Variants in KIAA0825 observed in about 807,000 individuals in gnomAD.
KIAA0825 encodes KIAA0825.
In KIAA0825, 119 loss-of-function variants were observed where a neutral mutation model predicts 147.6. The ratio of observed to expected loss-of-function variants is 0.81; its 90% confidence interval spans 0.69 to 0.94. The LOEUF is 0.94. KIAA0825 is among the 40% of genes least tolerant of loss of function. The pLI is 0.00. For synonymous variants in KIAA0825, 470 were observed against 518.1 expected, an observed-to-expected ratio of 0.91 and a Z score of 1.26; for missense variants, 1,381 against 1,472.7, an observed-to-expected ratio of 0.94 and a Z score of 1.02.
chr5:94,425,136 G>A (rs1584456403), intron 14 of KIAA0825, among the ~76,000 whole-genome samples: 1 of 152,048 alleles, frequency 6.6e-6, no homozygotes, highest in Admixed American at 6.6e-5. Context: ...CATTCTATGA[G>A]GCCAGCATTA....
chr5:94,323,388 C>T (rs1387307495), intron 20 of KIAA0825, among the ~76,000 whole-genome samples: 1 of 151,754 alleles, frequency 6.6e-6, no homozygotes, highest in Non-Finnish European at 1.5e-5. Flanking sequence ...GAGACAATTC[C>T]TAAGTTCACA....
intron 1 of KIAA0825, among the ~76,000 whole-genome samples, chr5:94,600,270 C>T (rs767347759): frequency 6.6e-6 from 1 of 152,204 alleles, no homozygotes; most frequent in Middle Eastern, 3.4e-3. Context: ...TCATACACAG[C>T]TGATGAATTA....
At chr5:94,188,550 G>A (rs1770368356) in intron 20 of KIAA0825, among the ~76,000 whole-genome samples, 1 of 151,886 alleles carries the variant, frequency 6.6e-6, no homozygotes, top group Admixed American at 6.6e-5. Context: ...TTTTGTCTTT[G>A]GTCCTTTCAC....
chr5:94,391,901 T>C (rs1584354736), intron 17 of KIAA0825, among the ~76,000 whole-genome samples: 1 of 152,212 alleles, frequency 6.6e-6, no homozygotes, highest in African/African-American at 2.4e-5. Context: ...TTTTCAAAAA[T>C]TGAATCGTTT....
intron 20 of KIAA0825, among the ~76,000 whole-genome samples, chr5:94,274,482 C>T (rs774673710): frequency 1.3e-5 from 2 of 151,898 alleles, no homozygotes; most frequent in African/African-American, 4.8e-5. Context: ...TTCCAGGCTC[C>T]GAGCTAATTA....
At chr5:94,379,399 T>C (rs1748053192) in intron 20 of KIAA0825, among the ~76,000 whole-genome samples, 1 of 152,180 alleles carries the variant, frequency 6.6e-6, no homozygotes, top group African/African-American at 2.4e-5. Flanking sequence ...ACTTTGAAGA[T>C]CAGATGGTTG....
intron 14 of KIAA0825, among the ~76,000 whole-genome samples, chr5:94,421,458 T>C (rs1754176197): frequency 1.3e-5 from 2 of 152,230 alleles, no homozygotes; most frequent in African/African-American, 2.4e-5. Flanking sequence ...CATTGCTGTG[T>C]TCCCTAGTTC....
At chr5:94,383,274 T>G (rs941718023) in intron 20 of KIAA0825, among the ~76,000 whole-genome samples, 1 of 152,196 alleles carries the variant, frequency 6.6e-6, no homozygotes, top group Non-Finnish European at 1.5e-5. Context: ...TGAAATATTA[T>G]AAATACCACT....
At chr5:94,594,394 T>A (rs1784891202) in intron 1 of KIAA0825, 1 of 770,406 alleles carries the variant, frequency 1.3e-6, no homozygotes, top group South Asian at 1.3e-5. Context: ...CTAGGAGGAA[T>A]CAATTGTGTA....
In KIAA0825 at chr5:94,381,899, A is replaced by C. The variant is rs972275506; in HGVS notation, c.3710+2469T>G. 6.6e-5 allele frequency among the ~76,000 whole-genome samples: 10 copies of C among 152,100 alleles called. No individual in the cohort carries two copies. The East Asian group carries it at 1.2e-3, about 18-fold the overall frequency. Reference sequence around the variant, plus strand: ...TGGCCTGCTTATTATATGAACGTTGAAGACAAGGCACAAATGAATTTAAGG... The same window carrying C: ...TGGCCTGCTTATTATATGAACGTTGCAGACAAGGCACAAATGAATTTAAGG... On this transcript the variant is annotated intron_variant, in intron 20 of 20. Coordinates refer to ENST00000682413, the MANE Select transcript of KIAA0825 (RefSeq NM_001145678.3).
intron 20 of KIAA0825, among the ~76,000 whole-genome samples, chr5:94,260,657 C>T (rs576328434): frequency 6.6e-6 from 1 of 152,258 alleles, no homozygotes; most frequent in South Asian, 2.1e-4. Context: ...TTGGTCTCTG[C>T]TGCTTATTGT....
chr5:94,551,850 A>G (rs1343724893), intron 2 of KIAA0825, among the ~76,000 whole-genome samples: 1 of 151,806 alleles, frequency 6.6e-6, no homozygotes, highest in Non-Finnish European at 1.5e-5. Flanking sequence ...TGCAAAAATA[A>G]ATAGAGAGAA....
intron 10 of KIAA0825, among the ~76,000 whole-genome samples, chr5:94,466,237 A>G (rs1322287208): frequency 2.0e-5 from 3 of 152,270 alleles, no homozygotes; most frequent in South Asian, 2.1e-4. Flanking sequence ...TTATTTGATT[A>G]CTAATATCTT....
intron 20 of KIAA0825, among the ~76,000 whole-genome samples, chr5:94,309,641 G>A (rs1778985768): frequency 1.3e-5 from 2 of 151,720 alleles, no homozygotes; most frequent in Admixed American, 1.3e-4. Context: ...AAAAAGGGGG[G>A]TTTCAGGCAT....
chr5:94,518,241 G>A (rs1562583143), intron 5 of KIAA0825, among the ~76,000 whole-genome samples: 1 of 152,158 alleles, frequency 6.6e-6, no homozygotes, highest in Non-Finnish European at 1.5e-5. Context: ...TCAAATATTA[G>A]TGAACAACAT....
intron 20 of KIAA0825, among the ~76,000 whole-genome samples, chr5:94,356,267 G>T (rs1584235510): frequency 6.6e-6 from 1 of 152,088 alleles, no homozygotes; most frequent in East Asian, 1.9e-4. Context: ...ACAAGTTACT[G>T]CAGGAGTTAC....
intron 20 of KIAA0825, among the ~76,000 whole-genome samples, chr5:94,358,629 C>CG (rs1744646240): frequency 6.6e-6 from 1 of 152,050 alleles, no homozygotes; most frequent in African/African-American, 2.4e-5. Flanking sequence ...TCACAAAACT[C>CG]TAAGTACTAT....
intron 2 of KIAA0825, among the ~76,000 whole-genome samples, chr5:94,564,537 AGT>A (rs56256662): frequency 0.034 from 1,134 of 32,896 alleles, 107 homozygotes; most frequent in Middle Eastern, 0.061. Context: ...CTTATTTTTG[AGT>A]GTGTGTGTGT....
chr5:94,236,939 C>T (rs1222572063), intron 20 of KIAA0825, among the ~76,000 whole-genome samples: 3 of 152,042 alleles, frequency 2.0e-5, no homozygotes. Flanking sequence ...GTGTTATGTG[C>T]ACTGGAAAAA....
Sources: gnomAD v4.1 joint callset for allele counts (sites outside exome capture counted in the v4.1 genomes callset) on GRCh38, gnomAD v4.1.1 for gene constraint, MANE v1.5 for transcripts, NCBI Gene and HGNC (gene_info 2026-07-23, HGNC 2026-07-21) for gene names.